The following REDIC1 variants were observed in gnomAD, a reference collection of about 807,000 sequenced individuals.
REDIC1 encodes regulator of DNA class I crossover intermediates 1, also known as HEI10 Interacting Protein 1.
At chr12:39,900,976 G>A in the REDIC1 span, among the ~76,000 whole-genome samples, 17 of 152,056 alleles carry the variant, frequency 1.1e-4, no homozygotes, top group Non-Finnish European at 1.8e-4. Flanking sequence ...GCATGGTACC[G>A]GTACCAAAAC....
chr12:39,792,847 C>T, the REDIC1 span, among the ~76,000 whole-genome samples: 1 of 151,254 alleles, frequency 6.6e-6, no homozygotes, highest in African/African-American at 2.4e-5. Flanking sequence ...CAGTTCAAAC[C>T]GATATTGTTC....
the REDIC1 span, chr12:39,835,776 C>G: frequency 6.6e-6 from 1 of 152,078 alleles, no homozygotes; most frequent in African/African-American, 2.4e-5. Flanking sequence ...CTCTAGAAAT[C>G]AAGGCATTCT....
chr12:39,713,651 G>T, the REDIC1 span, among the ~76,000 whole-genome samples: 2 of 136,192 alleles, frequency 1.5e-5, no homozygotes, highest in African/African-American at 5.4e-5. Flanking sequence ...ATATATACCT[G>T]TATACATGCG....
chr12:39,670,505 G>T, the REDIC1 span, among the ~76,000 whole-genome samples: 1 of 152,126 alleles, frequency 6.6e-6, no homozygotes, highest in Non-Finnish European at 1.5e-5. Context: ...TTTGACTTTT[G>T]ACTGTTTGAC....
At chr12:39,715,649 A>G in the REDIC1 span, among the ~76,000 whole-genome samples, 1 of 151,976 alleles carries the variant, frequency 6.6e-6, no homozygotes, top group South Asian at 2.1e-4. Context: ...ACAAATCTGG[A>G]CACATCACAC....
At chr12:39,864,659 G>A in the REDIC1 span, 1 of 1,441,354 alleles carries the variant, frequency 6.9e-7, no homozygotes, top group Admixed American at 2.1e-5. Context: ...AAGCCTGGAT[G>A]CCCAGCAAGC....
the REDIC1 span, chr12:39,646,338 G>GA: frequency 1.6e-6 from 2 of 1,289,294 alleles, no homozygotes; most frequent in Non-Finnish European, 2.0e-6. Flanking sequence ...GAAACTGTGA[G>GA]AAAACCAACC....
the REDIC1 span, among the ~76,000 whole-genome samples, chr12:39,884,645 T>C: frequency 2.0e-5 from 3 of 152,186 alleles, no homozygotes; most frequent in South Asian, 6.2e-4. Flanking sequence ...CCCATAACAC[T>C]GAGGGTGACC....
At chr12:39,646,528 T>C in the REDIC1 span, 2 of 1,428,156 alleles carry the variant, frequency 1.4e-6, no homozygotes, top group Non-Finnish European at 1.9e-6. Context: ...TTTTACTCAC[T>C]CGAAAATGTA....
the REDIC1 span, among the ~76,000 whole-genome samples, chr12:39,747,680 AG>A: frequency 6.6e-6 from 1 of 152,216 alleles, no homozygotes; most frequent in South Asian, 2.1e-4. Flanking sequence ...CCAGAGAGAA[AG>A]GTTGGGTTAC....
the REDIC1 span, among the ~76,000 whole-genome samples, chr12:39,668,268 A>T: frequency 6.6e-6 from 1 of 152,100 alleles, no homozygotes; most frequent in Admixed American, 6.5e-5. Flanking sequence ...CCTGGTGGTG[A>T]CAAAATCTCT....
At chr12:39,763,425 C>T in the REDIC1 span, among the ~76,000 whole-genome samples, 1 of 151,872 alleles carries the variant, frequency 6.6e-6, no homozygotes, top group Non-Finnish European at 1.5e-5. Context: ...AAAATTTATC[C>T]ATGTATTTAT....
At chr12:39,870,475 T>C in the REDIC1 span, among the ~76,000 whole-genome samples, 2 of 152,182 alleles carry the variant, frequency 1.3e-5, no homozygotes, top group African/African-American at 4.8e-5. Flanking sequence ...TTTCTTATAT[T>C]AAGTAAAAAT....
chr12:39,840,851 G>A, the REDIC1 span, among the ~76,000 whole-genome samples: 1 of 152,094 alleles, frequency 6.6e-6, no homozygotes, highest in Non-Finnish European at 1.5e-5. Context: ...ATACATAAGT[G>A]CTCAATAAAT....
chr12:39,770,545 G>T, the REDIC1 span, among the ~76,000 whole-genome samples: 1 of 152,152 alleles, frequency 6.6e-6, no homozygotes, highest in Non-Finnish European at 1.5e-5. Context: ...GCGGGCACTG[G>T]CATGGTCCTG....
chr12:39,629,187 A>G, the REDIC1 span, among the ~76,000 whole-genome samples: 2 of 152,218 alleles, frequency 1.3e-5, no homozygotes, highest in Non-Finnish European at 2.9e-5. Flanking sequence ...AATTGATCAA[A>G]TTGGAGATCT....
the REDIC1 span, among the ~76,000 whole-genome samples, chr12:39,774,773 C>G: frequency 3.3e-5 from 5 of 151,922 alleles, no homozygotes; most frequent in African/African-American, 1.2e-4. Context: ...CACTTTTTTC[C>G]TGAATAAAAT....
chr12:39,750,495 T>C, the REDIC1 span, among the ~76,000 whole-genome samples: 1 of 152,184 alleles, frequency 6.6e-6, no homozygotes, highest in Non-Finnish European at 1.5e-5. Context: ...CCCAAGGTAA[T>C]TTATAGATTC....
chr12:39,719,334 A>G, the REDIC1 span, among the ~76,000 whole-genome samples: 1 of 152,288 alleles, frequency 6.6e-6, no homozygotes, highest in Non-Finnish European at 1.5e-5. Flanking sequence ...CAAAGATAAG[A>G]AATAGCACTT....
Sources: allele counts gnomAD v4.1 joint callset (sites outside exome capture counted in the v4.1 genomes callset), GRCh38; gene constraint gnomAD v4.1.1; transcripts MANE v1.5; gene names NCBI Gene and HGNC (gene_info 2026-07-23, HGNC 2026-07-21).